Variants in ABCC6 observed in about 807,000 individuals in gnomAD.
ABCC6 encodes the protein ATP binding cassette subfamily C member 6.
A neutral mutation model predicts 169.5 loss-of-function variants in ABCC6; 126 were observed. The ratio of observed to expected loss-of-function variants is 0.74; its 90% CI spans 0.64 to 0.86. The LOEUF (loss-of-function observed/expected upper bound fraction) is 0.86. Ranked by LOEUF, ABCC6 falls within the 40% of genes least tolerant of loss-of-function variation. The pLI is 0.00. For synonymous variants in ABCC6, 752 were observed against 814.7 expected, an observed-to-expected ratio of 0.92 and a Z score of 1.31; for missense variants, 1,733 against 1,927.2, an observed-to-expected ratio of 0.90 and a Z score of 1.89.
rs375557810 is a variant in ABCC6 at position 16,187,149 on chromosome 16, G to A, written c.1842C>T (p.Val614=). ...CGCTTCCAGAGGAACTTGAGTCTAC[G>A]ACACCAGGGTCAACTTCTTCCAGGC... is the stretch of plus-strand genomic sequence containing the variant. ...FLCLEEVDPG[V]VDSSSSGSAA... Residue 614 remains valine, a synonymous_variant, in exon 14 of 31, where the codon GTC becomes GTT. Transcript: ENST00000205557. The A allele has an allele frequency of 6.8e-6, 11 of 1,613,194 alleles. No homozygotes were observed. The African/African-American group carries it at 1.1e-4, about 16-fold the overall frequency.
chr16:16,150,823 T>G, intron 29 of ABCC6, 51 bp from the exon 30 acceptor site: 2 of 1,594,412 alleles, frequency 1.3e-6, no homozygotes, highest in Non-Finnish European at 1.7e-6. Context: ...CGGCACATGG[T>G]GATGTGTGGG....
At chr16:16,212,815 C>G (rs1289548625) in intron 5 of ABCC6, among the ~76,000 whole-genome samples, 1 of 152,018 alleles carries the variant, frequency 6.6e-6, no homozygotes. Flanking sequence ...CTTTGCTTCT[C>G]AAAAGGAAGG....
In ABCC6 at chr16:16,161,499, A is replaced by G; in HGVS notation, c.3572T>C (p.Val1191Ala). ...AGCACTGAGGTGGGCTTTGCTCAGC[A>G]CAGCACACGTGGCAGCTGCAAACAC... ...GLVFAAATCA[V>A]LSKAHLSAGL... Residue 1191 changes from valine to alanine, a missense_variant, in exon 25 of 31, where the codon GTG becomes GCG. Coordinates refer to ENST00000205557, the MANE Select transcript of ABCC6 (RefSeq NM_001171.6). 1.2e-6 allele frequency: 2 copies of G among 1,614,010 alleles called. No individual in the cohort carries two copies. The highest frequency in any genetic ancestry group is 1.7e-6 in the Non-Finnish European group (2 of 1,180,038).
At chr16:16,185,751 C>G (rs1439187132) in intron 14 of ABCC6, among the ~76,000 whole-genome samples, 3 of 151,146 alleles carry the variant, frequency 2.0e-5, no homozygotes, top group South Asian at 2.1e-4. Context: ...CACCACTGCA[C>G]TCCAGCCTGG....
chr16:16,187,597 G>A (rs953114289), intron 13 of ABCC6, among the ~76,000 whole-genome samples: 1 of 152,196 alleles, frequency 6.6e-6, no homozygotes, highest in Non-Finnish European at 1.5e-5. Context: ...GAGACCAGTC[G>A]TTAAAATAGA....
At chr16:16,199,747 G>A (rs1328599389) in intron 9 of ABCC6, among the ~76,000 whole-genome samples, 5 of 138,362 alleles carry the variant, frequency 3.6e-5, no homozygotes, top group African/African-American at 1.3e-4. Context: ...TGGAGTTTGA[G>A]GTGGGGAACA....
chr16:16,162,335 A>G (rs1050847463), intron 24 of ABCC6, among the ~76,000 whole-genome samples: 1 of 152,130 alleles, frequency 6.6e-6, no homozygotes, highest in Admixed American at 6.5e-5. Flanking sequence ...TTGGATTCAA[A>G]TCCTGGCTCT....
At chr16:16,161,399 G>T (rs1400079947) in intron 25 of ABCC6, 39 bp downstream of exon 25, 1 of 1,613,186 alleles carries the variant, frequency 6.2e-7, no homozygotes, top group Non-Finnish European at 8.5e-7. Flanking sequence ...CTCTGCCTCT[G>T]TCTGTCCCTC....
At chr16:16,177,371 A>C in intron 19 of ABCC6, 81 bp downstream of exon 19, 1 of 1,537,996 alleles carries the variant, frequency 6.5e-7, no homozygotes, top group Non-Finnish European at 9.0e-7. Flanking sequence ...CACTCCATTC[A>C]TGCCAGTAGG....
rs762007802 is a variant in ABCC6 at position 16,159,581 on chromosome 16, C to A, written c.3636G>T (p.Val1212=). The change falls in exon 26 of 31, where the codon GTG becomes GTT. Residue 1212 remains valine, a splice_region_variant and synonymous_variant. Transcript: ENST00000205557. The stretch of plus-strand genomic sequence containing the variant: ...GAACAACCCACTGCAGTGTCTGGGT[C>A]ACCTGGTGCAAGAAAGCCTCTCTGG... ...VGFSVSAALQ[V]TQTLQWVVRN... 5 of 1,614,110 alleles carry A rather than the reference C, an allele frequency of 3.1e-6. No individual in the cohort carries two copies. In the South Asian group the frequency reaches 5.5e-5, roughly 18 times the overall value.
Position 16,177,436 on chromosome 16 carries a change from A to G in ABCC6, c.2590+16T>C, listed in dbSNP as rs1176628722. 6.2e-7 allele frequency: 1 copy of G among 1,613,980 alleles called. No individual in the cohort carries two copies. Reference sequence around the variant, plus strand: ...CAGGAGCCAGGCCTGGAGAATCAGCAAAGCCCACCTAGTACCTCCTTCTCC... The same window carrying G: ...CAGGAGCCAGGCCTGGAGAATCAGCGAAGCCCACCTAGTACCTCCTTCTCC... On this transcript the variant is annotated intron_variant, in intron 19 of 30. Coordinates refer to ENST00000205557, the MANE Select transcript of ABCC6 (RefSeq NM_001171.6).
intron 15 of ABCC6, among the ~76,000 whole-genome samples, chr16:16,183,257 C>T (rs969503521): frequency 2.6e-5 from 4 of 152,186 alleles, no homozygotes; most frequent in African/African-American, 9.7e-5. Context: ...CATGCTCACA[C>T]GCATACATGT....
In ABCC6 at chr16:16,165,770, G is replaced by C. The variant is rs780915265; in HGVS notation, c.3159C>G (p.Asp1053Glu). 1.4e-4 allele frequency: 226 copies of C among 1,613,698 alleles called. 4 individuals are homozygous for C. In the South Asian group the frequency reaches 2.4e-3, roughly 17 times the overall value. ...TGTCTGGAATGTCCACGTCAACCGTGTCTGTCTCCTTGGAGAAGCGGTTTA... is the reference window on the plus strand; with the variant it reads ...TGTCTGGAATGTCCACGTCAACCGTCTCTGTCTCCTTGGAGAAGCGGTTTA... Reference protein sequence around the residue: ...HLLNRFSKETDTVDVDIPDKL... With the variant: ...HLLNRFSKETETVDVDIPDKL... The change falls in exon 23 of 31, where the codon GAC (aspartate) becomes GAG (glutamate). Residue 1053 changes from aspartate (D) to glutamate (E), a missense_variant. This residue lies in a region of ABCC6 where 1,601 missense variants were observed against 1,635.5 expected (regional missense o/e 0.98). Coordinates refer to ENST00000205557, the MANE Select transcript of ABCC6 (RefSeq NM_001171.6).
In ABCC6 at chr16:16,165,824, G is replaced by A. The variant is rs2046855412; in HGVS notation, c.3105C>T (p.Phe1035=). 2.5e-6 allele frequency: 4 copies of A among 1,613,580 alleles called. No individual in the cohort carries two copies. In the East Asian group the frequency reaches 8.9e-5, roughly 36 times the overall value. ...LWDVVRSPIS[F]FERTPIGHLL... is the part of the protein sequence containing the mutation. ...GGTGACCAATGGGTGTCCGCTCAAA[G>A]AAGCTGATGGGAGATCGCACCACAT... The change falls in exon 23 of 31, where the codon TTC becomes TTT. Residue 1035 remains phenylalanine (F), a synonymous_variant. Transcript: ENST00000205557.
chr16:16,163,955 A>G (rs1315427912), intron 23 of ABCC6, among the ~76,000 whole-genome samples: 1 of 152,142 alleles, frequency 6.6e-6, no homozygotes, highest in Non-Finnish European at 1.5e-5. Flanking sequence ...AAAGCTTGAG[A>G]CAGAAACAGC....
intron 4 of ABCC6, 88 bp from the exon 5 acceptor site, chr16:16,214,537 C>A: frequency 1.9e-6 from 3 of 1,548,048 alleles, no homozygotes; most frequent in Non-Finnish European, 2.6e-6. Flanking sequence ...GGTCAGTGCC[C>A]ACTCTGGGGA....
At position 16,152,165 on chromosome 16, in the gene ABCC6, C is replaced by T. The variant is rs1360213786; in HGVS notation, c.4209-1393G>A. On this transcript the variant is annotated intron_variant, in intron 29 of 30. Coordinates refer to ENST00000205557, the MANE Select transcript of ABCC6 (RefSeq NM_001171.6). Reference sequence around the variant, plus strand: ...CCAAGATCGCGCCACTGCACTCCAGCCTGGGCGACAGAGCAAGACTCTGTC... The same window carrying T: ...CCAAGATCGCGCCACTGCACTCCAGTCTGGGCGACAGAGCAAGACTCTGTC... 2.4e-5 allele frequency among the ~76,000 whole-genome samples: 3 copies of T among 126,400 alleles called. No homozygotes were observed. In the East Asian group the frequency reaches 7.3e-4, roughly 31 times the overall value. 82.9% of individuals were successfully genotyped at this position (126,400 alleles called of 152,430 possible). A position where few individuals can be genotyped will look rare whatever the true frequency, so the allele number is the denominator to read the frequency against.
rs149902425 is a variant in ABCC6, at chr16:16,164,188, C to T, written c.3307-996G>A. Among the ~76,000 whole-genome samples the T allele has an allele frequency of 2.0e-5, 3 of 152,224 alleles. No homozygotes were observed. In the East Asian group the frequency reaches 5.8e-4, roughly 29 times the overall value. On this transcript the variant is annotated intron_variant, in intron 23 of 30. Coordinates refer to ENST00000205557, the MANE Select transcript of ABCC6 (RefSeq NM_001171.6). ...AGCTGGGATTACAAGCATGCGCCAC[C>T]ACACTGGCTAAATTTTTGTATTTTT...
intron 11 of ABCC6, 82 bp from the exon 12 acceptor site, chr16:16,190,449 AATCCCATTC>A (rs1183368714): frequency 6.7e-7 from 1 of 1,490,574 alleles, no homozygotes; most frequent in Admixed American, 1.7e-5. Flanking sequence ...CCCTTCAGCA[AATCCCATTC>A]ATCTCACCAA....
Sources: allele counts gnomAD v4.1 joint callset (sites outside exome capture counted in the v4.1 genomes callset), GRCh38; gene constraint gnomAD v4.1.1; regional missense constraint gnomAD v4.1.1; transcripts MANE v1.5; gene names NCBI Gene and HGNC (gene_info 2026-07-23, HGNC 2026-07-21).